The following USH2A variants were observed in gnomAD, a reference collection of about 807,000 sequenced individuals.
USH2A encodes usherin, also known as Usher syndrome 2A (autosomal recessive, mild).
USH2A carries 443 observed loss-of-function variants against 538.9 expected under a neutral mutation model. That is an observed-to-expected ratio of 0.82 (90% CI 0.76 to 0.89). The LOEUF is 0.89. Ranked by LOEUF, USH2A falls within the 40% of genes least tolerant of loss-of-function variation. The pLI is 0.00. For missense variants in USH2A, 6,633 were observed against 6,324.8 expected (o/e 1.05, Z -1.65); for synonymous variants, 2,413 against 2,273.5 (o/e 1.06, Z -1.75).
chr1:215,944,900 G>A (rs1374748186), intron 37 of USH2A, among the ~76,000 whole-genome samples: 1 of 152,020 alleles, frequency 6.6e-6, no homozygotes, highest in Non-Finnish European at 1.5e-5. Flanking sequence ...GCTAAATAAG[G>A]CTAAAATGTT....
intron 44 of USH2A, among the ~76,000 whole-genome samples, chr1:215,854,545 A>G (rs2365629): frequency 0.67 from 101,642 of 152,014 alleles, 34,686 homozygotes; most frequent in African/African-American, 0.8. Context: ...GCAGGCACAC[A>G]GTAAGTTTCA....
At chr1:215,644,692 A>T (rs73087457) in intron 67 of USH2A, among the ~76,000 whole-genome samples, 2,367 of 152,298 alleles carry the variant, frequency 0.016, 50 homozygotes, top group South Asian at 0.07. Flanking sequence ...CTCCTGGAGA[A>T]ACATGCCTTC....
intron 9 of USH2A, among the ~76,000 whole-genome samples, chr1:216,315,166 C>G (rs1198691983): frequency 6.6e-6 from 1 of 151,954 alleles, no homozygotes; most frequent in East Asian, 1.9e-4. Context: ...CAGATAAACC[C>G]AGGCTTCCAA....
intron 3 of USH2A, among the ~76,000 whole-genome samples, chr1:216,393,554 A>AT (rs1191502530): frequency 6.6e-6 from 1 of 152,150 alleles, no homozygotes; most frequent in East Asian, 1.9e-4. Context: ...ATGACTCTTG[A>AT]TTTTTTTATT....
At chr1:215,648,467 G>T in intron 66 of USH2A, 61 bp downstream of exon 66, 1 of 1,549,176 alleles carries the variant, frequency 6.5e-7, no homozygotes, top group South Asian at 1.1e-5. Context: ...GCTATACCAT[G>T]AGTTCATATG....
intron 21 of USH2A, among the ~76,000 whole-genome samples, chr1:216,164,659 C>A (rs1183109338): frequency 6.6e-6 from 1 of 151,854 alleles, no homozygotes; most frequent in Non-Finnish European, 1.5e-5. Flanking sequence ...ACAATGACAA[C>A]AAAAAACAGG....
intron 11 of USH2A, among the ~76,000 whole-genome samples, chr1:216,265,500 T>C (rs2036453509): frequency 6.6e-6 from 1 of 152,056 alleles, no homozygotes; most frequent in African/African-American, 2.4e-5. Flanking sequence ...ACTGGGTACA[T>C]ATATCCAGAC....
At chr1:215,626,250 CTATA>C (rs1055784845) in intron 71 of USH2A, among the ~76,000 whole-genome samples, 1 of 149,016 alleles carries the variant, frequency 6.7e-6, no homozygotes, top group Non-Finnish European at 1.5e-5. Context: ...TATATACACA[CTATA>C]TAGACACTAC....
Position 215,677,736 on chromosome 1 carries a change from C to T in USH2A, c.12295-2120G>A, listed in dbSNP as rs116207693. 6.8e-3 allele frequency among the ~76,000 whole-genome samples: 1,029 copies of T among 152,326 alleles called. 11 individuals are homozygous for T. Among genetic ancestry groups the T allele is most frequent in the African/African-American group, 0.021 (883 of 41,566 alleles). On this transcript the variant is annotated intron_variant, in intron 62 of 71. Transcript: ENST00000307340. ...GGCTCTCTTTCCTCCTCTTGACCCCCACATTTATGCCTCAGGGCTTGATCC... is the reference window on the plus strand; with the variant it reads ...GGCTCTCTTTCCTCCTCTTGACCCCTACATTTATGCCTCAGGGCTTGATCC...
chr1:216,065,163 C>A (rs1320039087), intron 30 of USH2A, among the ~76,000 whole-genome samples: 1 of 152,152 alleles, frequency 6.6e-6, no homozygotes, highest in Admixed American at 6.5e-5. Context: ...TGAGTAACAT[C>A]CAGTACTGCC....
At chr1:216,406,184 G>A (rs1314448540) in intron 3 of USH2A, among the ~76,000 whole-genome samples, 1 of 152,072 alleles carries the variant, frequency 6.6e-6, no homozygotes, top group Non-Finnish European at 1.5e-5. Flanking sequence ...AGGAATATAT[G>A]AAAAATGGGA....
chr1:216,388,323 ATACT>A, intron 3 of USH2A, among the ~76,000 whole-genome samples: 1 of 152,186 alleles, frequency 6.6e-6, no homozygotes, highest in Non-Finnish European at 1.5e-5. Flanking sequence ...CTTTAAAGCA[ATACT>A]TAAGGATCTT....
intron 61 of USH2A, among the ~76,000 whole-genome samples, chr1:215,692,376 G>A (rs868162549): frequency 3.3e-5 from 5 of 152,032 alleles, no homozygotes; most frequent in Non-Finnish European, 7.4e-5. Context: ...GATACCAGGA[G>A]TATATTTTTA....
chr1:215,878,556 G>T (rs1664830522), intron 42 of USH2A, among the ~76,000 whole-genome samples: 1 of 152,118 alleles, frequency 6.6e-6, no homozygotes, highest in South Asian at 2.1e-4. Context: ...GGTTTCAAGG[G>T]TTTTTAGTTC....
chr1:216,196,147 T>C (rs944903585), intron 19 of USH2A, among the ~76,000 whole-genome samples: 4 of 152,148 alleles, frequency 2.6e-5, no homozygotes, highest in African/African-American at 7.2e-5. Context: ...AATGTACATA[T>C]AAGAAGTTTT....
At chr1:216,020,475 G>A (rs1009395126) in intron 32 of USH2A, among the ~76,000 whole-genome samples, 1 of 152,118 alleles carries the variant, frequency 6.6e-6, no homozygotes, top group Non-Finnish European at 1.5e-5. Context: ...CCAGTCTGCT[G>A]GCCTGCAGTG....
At chr1:215,849,040 A>G (rs1663943278) in intron 44 of USH2A, among the ~76,000 whole-genome samples, 2 of 152,198 alleles carry the variant, frequency 1.3e-5, no homozygotes, top group Admixed American at 1.3e-4. Context: ...AAACAGCTGA[A>G]TGAAGAGGCA....
intron 19 of USH2A, among the ~76,000 whole-genome samples, chr1:216,195,140 A>G (rs1425127441): frequency 1.3e-5 from 2 of 152,152 alleles, no homozygotes; most frequent in Non-Finnish European, 2.9e-5. Context: ...AGCTAGAGCT[A>G]CTTTTTTATA....
intron 3 of USH2A, among the ~76,000 whole-genome samples, chr1:216,402,389 A>G (rs2039321729): frequency 6.6e-6 from 1 of 152,120 alleles, no homozygotes. Context: ...CTGAATGCAC[A>G]TGAAAATATA....
Sources: allele counts gnomAD v4.1 joint callset (sites outside exome capture counted in the v4.1 genomes callset), GRCh38; gene constraint gnomAD v4.1.1; transcripts MANE v1.5; gene names NCBI Gene and HGNC (gene_info 2026-07-23, HGNC 2026-07-21).